Variants in OR10R2 observed in about 807,000 individuals in gnomAD.
OR10R2 encodes olfactory receptor family 10 subfamily R member 2.
OR10R2 carries 1 observed loss-of-function variant against 2.4 expected under a neutral mutation model. The ratio of observed to expected loss-of-function variants is 0.41; its 90% CI spans 0.15 to 1.95. The LOEUF is 1.95. Among genes scored for constraint, OR10R2 ranks in the 30% most tolerant of loss-of-function variants. The pLI, the probability that OR10R2 is intolerant of heterozygous loss-of-function variation, is 0.30. For synonymous variants in OR10R2, 166 were observed against 144.8 expected, an observed-to-expected ratio of 1.15 and a Z score of -1.05; for missense variants, 419 against 373.0, an observed-to-expected ratio of 1.12 and a Z score of -1.01.
intron 1 of OR10R2, 52 bp downstream of exon 1, chr1:158,472,404 G>A: frequency 2.5e-6 from 1 of 398,978 alleles, no homozygotes; most frequent in Non-Finnish European, 4.4e-6. Context: ...GCAGGAAGAT[G>A]TGTAATATAT....
In OR10R2 at chr1:158,473,817, CCTTCCCTCTTTCCCTCTCTGCTT is replaced by C. The variant is rs1557875021; in HGVS notation, c.27+1467_27+1489del. Among the ~76,000 whole-genome samples the C allele has an allele frequency of 3.7e-3, 503 of 137,084 alleles. 20 individuals carry two copies. The highest frequency in any genetic ancestry group is 0.015 in the African/African-American group (476 of 31,014). The allele number at this position is 137,084 out of a possible 152,430, so 89.9% of individuals were successfully genotyped here. A position where few individuals can be genotyped will look rare whatever the true frequency, so the allele number is the denominator to read the frequency against. ...TTCCCTCTCTGCTTCCTTCCTCCCT[CCTTCCCTCTTTCCCTCTCTGCTT>C]CCTCCCTCCCTCCTTCCCTCTTTCC... On this transcript the variant is annotated intron_variant, in intron 1 of 1. Coordinates refer to ENST00000641067, the Ensembl canonical transcript of OR10R2.
intron 1 of OR10R2, among the ~76,000 whole-genome samples, chr1:158,476,276 A>T (rs1204804446): frequency 6.6e-6 from 1 of 152,052 alleles, no homozygotes; most frequent in African/African-American, 2.4e-5. Flanking sequence ...GGCTGGGCGC[A>T]GTGGTTCATG....
chr1:158,480,027 T>C lies in OR10R2; in HGVS notation c.117T>C (p.Val39=), dbSNP rs373275320. 360 of 1,613,950 alleles carry C rather than the reference T, an allele frequency of 2.2e-4. 2 individuals are homozygous for C. The highest frequency in any genetic ancestry group is 3.0e-4 in the Non-Finnish European group (351 of 1,179,976). The change falls in exon 2 of 2, where the codon GTT becomes GTC. Residue 39 remains valine, a synonymous_variant. Transcript: ENST00000641067. The stretch of plus-strand genomic sequence containing the variant: ...AAATTCAGCTGGCCCTCTTTGTAGT[T>C]TTTCTTTTTCTGTATCTAGTCATTC...
rs117155388 is a variant in OR10R2 at position 158,480,352 on chromosome 1, C to T, written c.442C>T (p.Gln148Ter). ...GCATTACCCCACTCTTATGAGCTGG[C>T]AGGTGTGTGGAAAACTGGCAGCTGC... Residue 148 changes from glutamine (Q) to a stop codon, truncating the protein, a stop_gained, in exon 2 of 2, where the codon CAG (glutamine) becomes TAG (stop). Transcript: ENST00000641067. LOFTEE classifies it low-confidence loss of function (END_TRUNC). 8,531 of 1,614,058 alleles carry T rather than the reference C, an allele frequency of 5.3e-3. 200 individuals carry two copies. The Admixed American group carries it at 0.064, about 12-fold the overall frequency.
At chr1:158,472,347 G>A (rs916953611) in exon 1 of OR10R2, 13 of 398,896 alleles carry the variant, frequency 3.3e-5, no homozygotes, top group South Asian at 1.3e-4. Context: ...TCTGGGGAGC[G>A]AAGTAGTAAG....
At chr1:158,476,138 T>C (rs1656263091) in intron 1 of OR10R2, among the ~76,000 whole-genome samples, 1 of 152,172 alleles carries the variant, frequency 6.6e-6, no homozygotes, top group Admixed American at 6.5e-5. Context: ...TGTTTAATAG[T>C]ATTTTCAAAT....
At chr1:158,476,682 G>C (rs962623383) in intron 1 of OR10R2, among the ~76,000 whole-genome samples, 1 of 152,006 alleles carries the variant, frequency 6.6e-6, no homozygotes, top group Non-Finnish European at 1.5e-5. Context: ...ATCAATGTTT[G>C]TGAGCACTTG....
chr1:158,476,889 C>T (rs909132993), intron 1 of OR10R2, among the ~76,000 whole-genome samples: 4 of 151,838 alleles, frequency 2.6e-5, no homozygotes, highest in African/African-American at 4.8e-5. Flanking sequence ...TTTTGAGAGG[C>T]GTCTGTTCAT....
Position 158,472,357 on chromosome 1 carries a change from G to A in OR10R2, c.27+5G>A, listed in dbSNP as rs1656182064. 2.5e-6 allele frequency: 1 copy of A among 398,920 alleles called. No homozygotes were observed. The highest frequency in any genetic ancestry group is 4.4e-6 in the Non-Finnish European group (1 of 226,050). 24.7% of individuals were successfully genotyped at this position (398,920 alleles called of 1,614,324 possible). A position where few individuals can be genotyped will look rare whatever the true frequency, so the allele number is the denominator to read the frequency against. ...ACTGTTCTGGGGAGCGAAGTAGTAAGTCATTTGTTGCTGTCTTGAAAAATT... is the reference window on the plus strand; with the variant it reads ...ACTGTTCTGGGGAGCGAAGTAGTAAATCATTTGTTGCTGTCTTGAAAAATT... On this transcript the variant is annotated splice_donor_5th_base_variant and intron_variant, in intron 1 of 1. Transcript: ENST00000641067.
intron 1 of OR10R2, among the ~76,000 whole-genome samples, chr1:158,474,839 T>C (rs934431609): frequency 1.3e-5 from 2 of 152,184 alleles, no homozygotes; most frequent in African/African-American, 4.8e-5. Context: ...CTGCTGGGGT[T>C]GAAACCTAAT....
chr1:158,479,179 T>A (rs919571368), intron 1 of OR10R2, among the ~76,000 whole-genome samples: 2 of 152,140 alleles, frequency 1.3e-5, no homozygotes, highest in African/African-American at 4.8e-5. Context: ...AAGCCTCTAT[T>A]TAGTGATTAA....
intron 1 of OR10R2, among the ~76,000 whole-genome samples, chr1:158,477,575 A>T (rs190972982): frequency 1.5e-3 from 224 of 152,298 alleles, no homozygotes; most frequent in African/African-American, 5.3e-3. Flanking sequence ...AAAATAAAAT[A>T]TCTAGAAATG....
At position 158,480,547 on chromosome 1, in the gene OR10R2, G is replaced by A. The variant is rs774457499; in HGVS notation, c.637G>A (p.Val213Ile). ...CGAATTTGTGATATTCATTTGTGGA[G>A]TTCTTGTACTTGTGGTTCCCTTTCT... The change falls in exon 2 of 2, where the codon GTT (valine) becomes ATT (isoleucine). Residue 213 changes from valine to isoleucine, a missense_variant. By Grantham distance (29) the Val-to-Ile change is conservative. Transcript: ENST00000641067. 6.2e-6 allele frequency: 10 copies of A among 1,613,564 alleles called. No homozygotes were observed. In the Admixed American group the frequency reaches 1.3e-4, roughly 22 times the overall value.
intron 1 of OR10R2, among the ~76,000 whole-genome samples, chr1:158,476,875 CTT>C (rs945293483): frequency 6.6e-6 from 1 of 151,978 alleles, no homozygotes; most frequent in Admixed American, 6.6e-5. Flanking sequence ...GCTTGTATGT[CTT>C]ATTTTGAGAG....
chr1:158,473,100 T>C (rs889934965), intron 1 of OR10R2, among the ~76,000 whole-genome samples: 1 of 152,228 alleles, frequency 6.6e-6, no homozygotes, highest in Non-Finnish European at 1.5e-5. Flanking sequence ...GATCGCTTGC[T>C]GGAAGTATCT....
At chr1:158,472,429 T>A (rs1045639405) in intron 1 of OR10R2, 77 bp downstream of exon 1, 6 of 398,582 alleles carry the variant, frequency 1.5e-5, no homozygotes, top group African/African-American at 1.2e-4. Context: ...AATATGCTAG[T>A]TTTGGGGAAT....
At chr1:158,477,213 A>T (rs1209952137) in intron 1 of OR10R2, among the ~76,000 whole-genome samples, 1 of 152,332 alleles carries the variant, frequency 6.6e-6, no homozygotes, top group East Asian at 1.9e-4. Flanking sequence ...CATCTGTGAC[A>T]AATCCACAGC....
intron 1 of OR10R2, among the ~76,000 whole-genome samples, chr1:158,478,506 A>G (rs1656315978): frequency 6.6e-6 from 1 of 151,664 alleles, no homozygotes; most frequent in South Asian, 2.1e-4. Flanking sequence ...GATTTAATTA[A>G]CTGTTACTAG....
exon 2 of OR10R2, chr1:158,480,862 G>T (rs901119699): frequency 1.3e-6 from 2 of 1,509,292 alleles, no homozygotes; most frequent in East Asian, 4.5e-5. Context: ...GGGCAAGAAA[G>T]GTTCTCTAAA....
Sources: allele counts gnomAD v4.1 joint callset (sites outside exome capture counted in the v4.1 genomes callset), GRCh38; gene constraint gnomAD v4.1.1; transcripts MANE v1.5; gene names NCBI Gene and HGNC (gene_info 2026-07-23, HGNC 2026-07-21).